CENPE: variants seen among roughly 807,000 people sequenced by gnomAD.
The protein encoded by CENPE is centromere-associated protein E.
Under a neutral mutation model 336.1 loss-of-function variants are expected in CENPE, and 145 were observed. The ratio of observed to expected loss-of-function variants is 0.43; its 90% confidence interval spans 0.38 to 0.50. CENPE has a LOEUF of 0.50. CENPE is among the 20% of genes least tolerant of loss of function. The pLI, the probability that CENPE is intolerant of heterozygous loss-of-function variation, is 0.00. For synonymous variants in CENPE, 1,013 were observed against 984.8 expected (o/e 1.03, Z -0.54); for missense variants, 2,719 against 3,023.3 (o/e 0.90, Z 2.36).
intron 25 of CENPE, 30 bp from the exon 26 acceptor site, chr4:103,151,407 G>C (rs760641685): frequency 2.0e-6 from 3 of 1,469,672 alleles, no homozygotes; most frequent in Non-Finnish European, 2.7e-6. Context: ...TGAGATTAAA[G>C]TAAATATTAG....
At chr4:103,119,524 G>T (rs1181576088) in intron 44 of CENPE, among the ~76,000 whole-genome samples, 3 of 152,156 alleles carry the variant, frequency 2.0e-5, no homozygotes, top group African/African-American at 7.2e-5. Context: ...GTTAAATAAT[G>T]AATAAAGCAG....
intron 21 of CENPE, among the ~76,000 whole-genome samples, chr4:103,160,183 C>T (rs72946167): frequency 0.016 from 2,356 of 151,938 alleles, 58 homozygotes; most frequent in African/African-American, 0.054. Flanking sequence ...AACTGGCAGG[C>T]CATGGATTTA....
At chr4:103,158,982 A>T (rs1349881552) in intron 22 of CENPE, 28 bp downstream of exon 22, 1 of 1,531,662 alleles carries the variant, frequency 6.5e-7, no homozygotes, top group South Asian at 1.3e-5. Flanking sequence ...ACTAAGGAGC[A>T]TTTCTCAAAA....
At chr4:103,190,247 C>T (rs1757177573) in intron 8 of CENPE, among the ~76,000 whole-genome samples, 1 of 152,176 alleles carries the variant, frequency 6.6e-6, no homozygotes, top group African/African-American at 2.4e-5. Flanking sequence ...ATTGCCATCC[C>T]CATCAGCTAC....
intron 8 of CENPE, among the ~76,000 whole-genome samples, chr4:103,187,853 C>T (rs1407856806): frequency 1.3e-5 from 2 of 152,118 alleles, no homozygotes; most frequent in Non-Finnish European, 2.9e-5. Context: ...CACAGACTGG[C>T]AAATTGGATA....
chr4:103,116,743 C>A, intron 44 of CENPE, 54 bp from the exon 45 acceptor site: 2 of 909,182 alleles, frequency 2.2e-6, no homozygotes, highest in South Asian at 1.6e-5. Context: ...TTCAGTTTCT[C>A]CAGTTGTAAA....
rs1420847381 is a variant in CENPE, at chr4:103,133,678, T to C, written c.6720+17A>G. The C allele has an allele frequency of 1.3e-6, 2 of 1,508,982 alleles. No individual in the cohort carries two copies. Among genetic ancestry groups the C allele is most frequent in the African/African-American group, 1.4e-5 (1 of 72,126 alleles). 93.5% of individuals were successfully genotyped at this position (1,508,982 alleles called of 1,614,324 possible). Reference sequence around the variant, plus strand: ...AAGGCTTAAAATCTAACTAAATCCATTTAAAATAAATTATACCTCAATATG... The same window carrying C: ...AAGGCTTAAAATCTAACTAAATCCACTTAAAATAAATTATACCTCAATATG... On this transcript the variant is annotated intron_variant, in intron 41 of 48. Coordinates refer to ENST00000265148, the MANE Select transcript of CENPE (RefSeq NM_001813.3).
chr4:103,190,120 C>T lies in CENPE; in HGVS notation c.693+4109G>A, dbSNP rs574999273. Among the ~76,000 whole-genome samples, 356 of 152,164 alleles carry T rather than the reference C, an allele frequency of 2.3e-3. 2 individuals carry two copies. The highest frequency in any genetic ancestry group is 3.4e-3 in the Middle Eastern group (1 of 294). ...GGACCTCTTCAAGGAGAACTACAAA[C>T]CACTGCTCAAGGAAATAAAAGAGGA... On this transcript the variant is annotated intron_variant, in intron 8 of 48. Coordinates refer to ENST00000265148, the MANE Select transcript of CENPE (RefSeq NM_001813.3).
intron 35 of CENPE, 102 bp from the exon 36 acceptor site, chr4:103,141,206 C>G (rs1165695225): frequency 2.9e-6 from 2 of 679,322 alleles, no homozygotes; most frequent in Non-Finnish European, 4.9e-6. Context: ...GTTACTCTCA[C>G]TGATATCCTG....
At chr4:103,112,177 C>T (rs183159007) in intron 46 of CENPE, among the ~76,000 whole-genome samples, 357 of 149,680 alleles carry the variant, frequency 2.4e-3, no homozygotes, top group African/African-American at 8.2e-3. Flanking sequence ...TGTGTATACA[C>T]TTATATGTAT....
chr4:103,174,456 A>T (rs951490723), intron 16 of CENPE, among the ~76,000 whole-genome samples: 3 of 152,034 alleles, frequency 2.0e-5, no homozygotes, highest in African/African-American at 4.8e-5. Context: ...ATAGTTAATG[A>T]CAATTTATTG....
intron 13 of CENPE, among the ~76,000 whole-genome samples, chr4:103,177,975 G>A (rs913884444): frequency 3.3e-5 from 5 of 150,646 alleles, no homozygotes; most frequent in Non-Finnish European, 5.9e-5. Context: ...CATTAATTTA[G>A]TTAATCCCAC....
chr4:103,111,097 C>G (rs879084115), intron 46 of CENPE, 86 bp from the exon 47 acceptor site: 2 of 1,015,616 alleles, frequency 2.0e-6, no homozygotes, highest in South Asian at 3.7e-5. Context: ...GTACAATAAG[C>G]CATTATAGAG....
chr4:103,118,019 G>A (rs556297017), intron 44 of CENPE, among the ~76,000 whole-genome samples: 23 of 152,300 alleles, frequency 1.5e-4, no homozygotes, highest in African/African-American at 5.3e-4. Context: ...TAGCAATTAT[G>A]AACACAGCTG....
intron 42 of CENPE, among the ~76,000 whole-genome samples, chr4:103,127,421 G>C (rs183842560): frequency 1.9e-4 from 29 of 152,232 alleles, no homozygotes; most frequent in Admixed American, 1.8e-3. Flanking sequence ...TTTGCTGTCA[G>C]TAGACTGGTC....
chr4:103,175,032 G>A (rs1755738222), intron 15 of CENPE, 129 bp from the exon 16 acceptor site: 2 of 532,064 alleles, frequency 3.8e-6, no homozygotes, highest in African/African-American at 2.0e-5. Context: ...CTACATTTTG[G>A]CAAACTAGCT....
chr4:103,173,409 G>C (rs1230808141), intron 16 of CENPE, among the ~76,000 whole-genome samples: 1 of 151,898 alleles, frequency 6.6e-6, no homozygotes, highest in Non-Finnish European at 1.5e-5. Context: ...GAAACTACTA[G>C]AAAACAAGAT....
At position 103,149,183 on chromosome 4, in the gene CENPE, AT is replaced by A; in HGVS notation, c.3621del (p.Glu1207AspfsTer17). On this transcript the variant is annotated frameshift_variant, in exon 27 of 49. Coordinates refer to ENST00000265148, the MANE Select transcript of CENPE (RefSeq NM_001813.3). LOFTEE classifies it high-confidence loss of function. ...CTCTCTGTTTCAAATGACTTCTGTA[AT>A]TCCTTTAGAACTTTTCTTTCTTTGG... ...SITKERKVLK[E>X]LQKSFETERD... 2.5e-6 allele frequency: 4 copies of A among 1,610,772 alleles called. No homozygotes were observed. The highest frequency in any genetic ancestry group is 3.4e-6 in the Non-Finnish European group (4 of 1,179,510).
chr4:103,191,996 G>A (rs1757395577), intron 8 of CENPE, among the ~76,000 whole-genome samples: 1 of 152,044 alleles, frequency 6.6e-6, no homozygotes, highest in Admixed American at 6.5e-5. Context: ...GCTTGGGTTA[G>A]GGAGGTGGCA....
Sources: gnomAD v4.1 joint callset for allele counts (sites outside exome capture counted in the v4.1 genomes callset) on GRCh38, gnomAD v4.1.1 for gene constraint, MANE v1.5 for transcripts, NCBI Gene and HGNC (gene_info 2026-07-23, HGNC 2026-07-21) for gene names.